NOL4L: variants seen among roughly 807,000 people sequenced by gnomAD.
The protein encoded by NOL4L is nucleolar protein 4 like.
Under a neutral mutation model 64.5 loss-of-function variants are expected in NOL4L, and 7 were observed. That is an observed-to-expected ratio of 0.11 (90% CI 0.06 to 0.20). NOL4L has a LOEUF of 0.20. Ranked by LOEUF, NOL4L falls within the 10% of genes least tolerant of loss-of-function variation. The pLI, the probability that NOL4L is intolerant of heterozygous loss-of-function variation, is 1.00. For synonymous variants in NOL4L, 413 were observed against 401.0 expected, an observed-to-expected ratio of 1.03 and a Z score of -0.36; for missense variants, 680 against 967.1, an observed-to-expected ratio of 0.70 and a Z score of 3.94.
At chr20:32,578,274 T>C (rs1259741647) in intron 1 of NOL4L, among the ~76,000 whole-genome samples, 1 of 152,116 alleles carries the variant, frequency 6.6e-6, no homozygotes, top group Non-Finnish European at 1.5e-5. Context: ...ACCTGTTCTC[T>C]ACATCAAAGT....
intron 4 of NOL4L, among the ~76,000 whole-genome samples, chr20:32,502,322 G>C (rs978940522): frequency 1.3e-5 from 2 of 152,260 alleles, no homozygotes; most frequent in Admixed American, 6.5e-5. Context: ...GCCGGGTGTG[G>C]TGGCTCATGC....
chr20:32,527,513 C>G (rs2018175724), intron 2 of NOL4L, among the ~76,000 whole-genome samples: 1 of 152,136 alleles, frequency 6.6e-6, no homozygotes, highest in African/African-American at 2.4e-5. Context: ...TCATCCCTCT[C>G]CTTCCCTCCC....
intron 4 of NOL4L, among the ~76,000 whole-genome samples, chr20:32,488,803 CTTT>C (rs11470574): frequency 0.026 from 1,505 of 58,074 alleles, 101 homozygotes; most frequent in Middle Eastern, 0.036. Context: ...TTCTTTCTTT[CTTT>C]TTCTTTCTTT....
At chr20:32,491,735 C>T (rs989886635) in intron 4 of NOL4L, among the ~76,000 whole-genome samples, 2 of 152,184 alleles carry the variant, frequency 1.3e-5, no homozygotes, top group African/African-American at 4.8e-5. Flanking sequence ...CTTGGAGAGG[C>T]TCAGAGAAAC....
At chr20:32,529,070 G>A (rs556799479) in intron 1 of NOL4L, among the ~76,000 whole-genome samples, 34 of 152,242 alleles carry the variant, frequency 2.2e-4, no homozygotes, top group Admixed American at 3.9e-4. Flanking sequence ...TAGGTAGTCA[G>A]TAAATAATGA....
intron 1 of NOL4L, among the ~76,000 whole-genome samples, chr20:32,554,119 G>A (rs1160323744): frequency 2.0e-5 from 3 of 152,200 alleles, no homozygotes; most frequent in African/African-American, 7.2e-5. Flanking sequence ...AGGAGATCGA[G>A]ACCATCCTGG....
chr20:32,461,161 C>A (rs923995463), intron 5 of NOL4L, among the ~76,000 whole-genome samples: 1 of 152,228 alleles, frequency 6.6e-6, no homozygotes, highest in Admixed American at 6.5e-5. Context: ...GCTGCAGCCG[C>A]AAGGGCTGAG....
Position 32,453,732 on chromosome 20 carries a change from A to C in NOL4L, c.1149T>G (p.Asp383Glu). The part of the protein sequence containing the change: ...ESPPYSSGSY[D>E]SIKTEVSGCP... ...AGCCGCTGACCTCGGTCTTGATGGAATCGTAGCTCCCAGAGCTGTAGGGGG... is the reference window on the plus strand; with the variant it reads ...AGCCGCTGACCTCGGTCTTGATGGACTCGTAGCTCCCAGAGCTGTAGGGGG... The change falls in exon 7 of 11, where the codon GAT (aspartate) becomes GAG (glutamate). Residue 383 changes from aspartate (D) to glutamate (E), a missense_variant. Asp to Glu is a conservative substitution (Grantham distance 45, BLOSUM62 2). Transcript: ENST00000621426. This position sits in a 1 kb window ranked among gnomAD's most constrained non-coding sequence, Gnocchi z 5.6. 6.4e-7 allele frequency: 1 copy of C among 1,555,274 alleles called. No homozygotes were observed. Among genetic ancestry groups the C allele is most frequent in the Non-Finnish European group, 8.7e-7 (1 of 1,148,864 alleles).
rs1289687289 is a variant in NOL4L, at chr20:32,443,257, C to G, written c.*4339G>C. 6.6e-6 allele frequency: 1 copy of G among 152,154 alleles called. No individual in the cohort carries two copies. The highest frequency in any genetic ancestry group is 1.5e-5 in the Non-Finnish European group (1 of 68,026). The allele number at this position is 152,154 out of a possible 1,614,324, so 9.4% of individuals were successfully genotyped here. A position where few individuals can be genotyped will look rare whatever the true frequency, so the allele number is the denominator to read the frequency against. ...GAGTCGGCCTGTGCTAGTCATTCCA[C>G]AAACAAAACAGAATTTAGTCACATC... On this transcript the variant is annotated 3_prime_UTR_variant, in exon 11 of 11. Transcript: ENST00000621426.
chr20:32,474,780 C>T (rs1317940423), intron 4 of NOL4L, 38 bp from the exon 5 acceptor site: 15 of 1,558,694 alleles, frequency 9.6e-6, no homozygotes, highest in African/African-American at 2.7e-5. Flanking sequence ...TCAGCAGGGA[C>T]GGGCTCTCAT....
intron 4 of NOL4L, among the ~76,000 whole-genome samples, chr20:32,498,420 TAA>T (rs11482808): frequency 4.1e-5 from 6 of 145,366 alleles, no homozygotes; most frequent in Non-Finnish European, 3.0e-5. Flanking sequence ...TCTGTTCTCT[TAA>T]AAAAAAAAAA....
At chr20:32,521,724 C>T (rs1210289397) in intron 2 of NOL4L, among the ~76,000 whole-genome samples, 1 of 152,118 alleles carries the variant, frequency 6.6e-6, no homozygotes, top group Non-Finnish European at 1.5e-5. Context: ...AGGTGTCCAG[C>T]CCTTTCCTCT....
chr20:32,480,863 C>T (rs1041517489), intron 4 of NOL4L, among the ~76,000 whole-genome samples: 2 of 152,176 alleles, frequency 1.3e-5, no homozygotes, highest in African/African-American at 2.4e-5. Context: ...TTCATGGCTA[C>T]ACCCCAAGCC....
At chr20:32,551,174 G>A (rs1215000887) in intron 1 of NOL4L, among the ~76,000 whole-genome samples, 1 of 151,778 alleles carries the variant, frequency 6.6e-6, no homozygotes, top group Non-Finnish European at 1.5e-5. Context: ...TCACGAGTTC[G>A]AGACCAGCCT....
chr20:32,545,839 G>A (rs549491085), intron 1 of NOL4L, among the ~76,000 whole-genome samples: 23 of 151,882 alleles, frequency 1.5e-4, no homozygotes, highest in African/African-American at 4.6e-4. Flanking sequence ...TAAGAAGGGC[G>A]GGCTAGAGCA....
At chr20:32,576,204 G>C (rs1169265747) in intron 1 of NOL4L, among the ~76,000 whole-genome samples, 4 of 152,158 alleles carry the variant, frequency 2.6e-5, no homozygotes, top group Non-Finnish European at 5.9e-5. Context: ...GTTTCCTCTG[G>C]CTGTTTGTGG....
chr20:32,576,195 T>A (rs1043053045), intron 1 of NOL4L, among the ~76,000 whole-genome samples: 12 of 152,072 alleles, frequency 7.9e-5, no homozygotes, highest in Non-Finnish European at 1.5e-4. Flanking sequence ...GTTTCCAAGG[T>A]TTCCTCTGGC....
intron 1 of NOL4L, among the ~76,000 whole-genome samples, chr20:32,532,774 G>A (rs986042555): frequency 6.6e-6 from 1 of 152,142 alleles, no homozygotes; most frequent in Admixed American, 6.5e-5. Context: ...CCAGCTTCCT[G>A]GAAACACCTA....
chr20:32,549,037 T>G (rs1390055900), intron 1 of NOL4L, among the ~76,000 whole-genome samples: 1 of 152,236 alleles, frequency 6.6e-6, no homozygotes. Context: ...TAAATCTTTG[T>G]GACCCCGGAT....
Sources: gnomAD v4.1 joint callset for allele counts (sites outside exome capture counted in the v4.1 genomes callset) on GRCh38, gnomAD v4.1.1 for gene constraint, Gnocchi (gnomAD v3.1) non-coding constraint, MANE v1.5 for transcripts, NCBI Gene and HGNC (gene_info 2026-07-23, HGNC 2026-07-21) for gene names.